The following TLE4 variants were observed in gnomAD, a reference collection of about 807,000 sequenced individuals.
TLE4 encodes TLE family member 4, transcriptional corepressor, also known as transducin-like enhancer protein 4.
In TLE4, 8 loss-of-function variants were observed where a neutral mutation model predicts 92.8. The ratio of observed to expected loss-of-function variants is 0.09; its 90% CI spans 0.05 to 0.16. The LOEUF is 0.16. TLE4 is among the 10% of genes least tolerant of loss of function. The pLI is 1.00. For synonymous variants in TLE4, 371 were observed against 374.1 expected (o/e 0.99, Z 0.10); for missense variants, 675 against 997.6 (o/e 0.68, Z 4.36).
chr9:79,709,029 C>T (rs921895286), intron 13 of TLE4, among the ~76,000 whole-genome samples: 1 of 152,142 alleles, frequency 6.6e-6, no homozygotes, highest in Non-Finnish European at 1.5e-5. Context: ...GGCAGGGTTT[C>T]ACCATGTTGC....
chr9:79,581,979 A>C (rs1006492227), intron 4 of TLE4, among the ~76,000 whole-genome samples: 1 of 152,110 alleles, frequency 6.6e-6, no homozygotes, highest in Non-Finnish European at 1.5e-5. Flanking sequence ...CTTGCTTATC[A>C]AGATGGAATT....
At chr9:79,606,884 A>G (rs533623289) in intron 4 of TLE4, among the ~76,000 whole-genome samples, 75 of 152,294 alleles carry the variant, frequency 4.9e-4, no homozygotes, top group African/African-American at 1.6e-3. Flanking sequence ...TCCTTTGGGT[A>G]TATACCCAGT....
chr9:79,679,610 C>T (rs943985105), intron 8 of TLE4, among the ~76,000 whole-genome samples: 2 of 152,254 alleles, frequency 1.3e-5, no homozygotes, highest in Admixed American at 6.5e-5. Flanking sequence ...TGCAGAAGCT[C>T]TTTAGTTTAA....
chr9:79,687,303 G>A (rs1419052210), intron 8 of TLE4, among the ~76,000 whole-genome samples: 1 of 152,098 alleles, frequency 6.6e-6, no homozygotes, highest in Non-Finnish European at 1.5e-5. Context: ...ATGAATCTAC[G>A]ATGTTCTGGT....
intron 5 of TLE4, among the ~76,000 whole-genome samples, chr9:79,625,174 T>C (rs1304321174): frequency 2.0e-5 from 3 of 150,424 alleles, no homozygotes; most frequent in Non-Finnish European, 4.4e-5. Context: ...CGCCCGCCAC[T>C]ACGCCCGGCT....
intron 4 of TLE4, among the ~76,000 whole-genome samples, chr9:79,582,663 G>A (rs573361597): frequency 1.2e-5 from 1 of 81,108 alleles, no homozygotes; most frequent in African/African-American, 5.4e-5. Context: ...TTTTGCCTTT[G>A]ATGTGATTCG....
At chr9:79,588,383 C>T (rs776369194) in intron 4 of TLE4, among the ~76,000 whole-genome samples, 5 of 152,030 alleles carry the variant, frequency 3.3e-5, no homozygotes, top group African/African-American at 7.3e-5. Context: ...CTCTTGGCCT[C>T]GTGATCCCAC....
chr9:79,625,014 CTTTTTT>C (rs34968887), intron 5 of TLE4, among the ~76,000 whole-genome samples: 38 of 79,936 alleles, frequency 4.8e-4, no homozygotes, highest in South Asian at 2.1e-3. Context: ...TATTTCTTTT[CTTTTTT>C]TTTTTTTTTT....
At chr9:79,679,430 GTC>G (rs1412498082) in intron 8 of TLE4, among the ~76,000 whole-genome samples, 1 of 152,204 alleles carries the variant, frequency 6.6e-6, no homozygotes, top group African/African-American at 2.4e-5. Context: ...TTTGAGAAGA[GTC>G]TGTTCATATC....
chr9:79,687,123 T>G (rs2066032792), intron 8 of TLE4, among the ~76,000 whole-genome samples: 1 of 152,222 alleles, frequency 6.6e-6, no homozygotes, highest in Admixed American at 6.5e-5. Flanking sequence ...AATGACAGTA[T>G]TGCCTCAGTT....
At chr9:79,599,977 A>G (rs544330283) in intron 4 of TLE4, among the ~76,000 whole-genome samples, 1 of 152,228 alleles carries the variant, frequency 6.6e-6, no homozygotes, top group South Asian at 2.1e-4. Context: ...GACCGCAGGG[A>G]TTTACTTGTC....
intron 8 of TLE4, 127 bp from the exon 9 acceptor site, chr9:79,704,656 T>C: frequency 7.9e-7 from 1 of 1,268,088 alleles, no homozygotes; most frequent in Non-Finnish European, 1.1e-6. Flanking sequence ...TTCTCCTATC[T>C]CCTCTTAACA....
intron 4 of TLE4, among the ~76,000 whole-genome samples, chr9:79,590,188 A>C (rs895694605): frequency 6.6e-6 from 1 of 152,198 alleles, no homozygotes; most frequent in Non-Finnish European, 1.5e-5. Context: ...AGTCAACCTA[A>C]AGTGGCTAGT....
intron 4 of TLE4, among the ~76,000 whole-genome samples, chr9:79,602,576 T>C (rs1465541415): frequency 6.6e-6 from 1 of 152,210 alleles, no homozygotes; most frequent in East Asian, 1.9e-4. Context: ...CATGGTTTAC[T>C]GAATATTTTA....
chr9:79,584,232 G>GC (rs2040481643), intron 4 of TLE4, among the ~76,000 whole-genome samples: 4 of 152,238 alleles, frequency 2.6e-5, no homozygotes, highest in African/African-American at 9.6e-5. Context: ...GGAGCATGGT[G>GC]ATGCTACTGG....
chr9:79,612,122 C>G (rs755977258), intron 4 of TLE4, among the ~76,000 whole-genome samples: 1 of 151,886 alleles, frequency 6.6e-6, no homozygotes, highest in Non-Finnish European at 1.5e-5. Flanking sequence ...TGTAAGAATC[C>G]GAATTAGCCA....
chr9:79,601,264 C>A (rs1212328540), intron 4 of TLE4, among the ~76,000 whole-genome samples: 2 of 151,664 alleles, frequency 1.3e-5, no homozygotes, highest in Admixed American at 6.7e-5. Flanking sequence ...ATCCTAAATG[C>A]CAGAAAAGAT....
chr9:79,632,511 C>T (rs991351789), intron 6 of TLE4, among the ~76,000 whole-genome samples: 1 of 152,186 alleles, frequency 6.6e-6, no homozygotes, highest in Admixed American at 6.5e-5. Flanking sequence ...AGGCCTCAAG[C>T]TACTTAAGGG....
At chr9:79,657,505 A>T (rs2059938208) in intron 8 of TLE4, among the ~76,000 whole-genome samples, 1 of 152,154 alleles carries the variant, frequency 6.6e-6, no homozygotes, top group Non-Finnish European at 1.5e-5. Context: ...AAATGGTGTC[A>T]GAGGGGACAT....
Sources: allele counts gnomAD v4.1 joint callset (sites outside exome capture counted in the v4.1 genomes callset), GRCh38; gene constraint gnomAD v4.1.1; transcripts MANE v1.5; gene names NCBI Gene and HGNC (gene_info 2026-07-23, HGNC 2026-07-21).